Variants in CACNA1E observed in about 807,000 individuals in gnomAD.
CACNA1E encodes the protein calcium voltage-gated channel subunit alpha1 E.
CACNA1E carries 40 observed loss-of-function variants against 259.2 expected under a neutral mutation model. The ratio of observed to expected loss-of-function variants is 0.15; its 90% CI spans 0.12 to 0.20. CACNA1E has a LOEUF of 0.20. Ranked by LOEUF, CACNA1E falls within the 10% of genes least tolerant of loss-of-function variation. The pLI, the probability that CACNA1E is intolerant of heterozygous loss-of-function variation, is 1.00. For missense variants in CACNA1E, 1,874 were observed against 3,040.1 expected, an observed-to-expected ratio of 0.62 and a Z score of 9.02; for synonymous variants, 1,104 against 1,138.5, an observed-to-expected ratio of 0.97 and a Z score of 0.61.
At chr1:181,501,564 A>AGAGTTTC (rs1247257961) in intron 1 of CACNA1E, among the ~76,000 whole-genome samples, 4 of 152,220 alleles carry the variant, frequency 2.6e-5, no homozygotes, top group Non-Finnish European at 5.9e-5. Flanking sequence ...GACCTCCATG[A>AGAGTTTC]GAGAGCAGCA....
At chr1:181,792,990 A>G (rs576734274) in intron 44 of CACNA1E, among the ~76,000 whole-genome samples, 8 of 152,074 alleles carry the variant, frequency 5.3e-5, no homozygotes, top group African/African-American at 1.7e-4. Context: ...TTACATGTTG[A>G]CATGCTACTA....
chr1:181,659,407 T>A (rs2102121508), intron 7 of CACNA1E, among the ~76,000 whole-genome samples: 1 of 152,334 alleles, frequency 6.6e-6, no homozygotes, highest in Non-Finnish European at 1.5e-5. Flanking sequence ...ATGAAAACCA[T>A]TAGCTTAGGC....
chr1:181,603,664 T>C (rs372260573), intron 6 of CACNA1E, among the ~76,000 whole-genome samples: 4 of 151,978 alleles, frequency 2.6e-5, no homozygotes, highest in South Asian at 2.1e-4. Context: ...ATCTCTTAGA[T>C]GAAAGTCCTA....
chr1:181,578,259 T>A (rs1651172463), intron 4 of CACNA1E, among the ~76,000 whole-genome samples: 1 of 152,156 alleles, frequency 6.6e-6, no homozygotes, highest in Admixed American at 6.5e-5. Flanking sequence ...TTTCCTAACC[T>A]TAAAAATTCT....
Position 181,783,646 on chromosome 1 carries a change from TTGCCTGCTGTTTC to T in CACNA1E, c.5365-31_5365-19del. The T allele has an allele frequency of 1.6e-6, 2 of 1,260,718 alleles. No individual in the cohort carries two copies. Among genetic ancestry groups the T allele is most frequent in the Admixed American group, 1.9e-5 (1 of 52,906 alleles). The allele number at this position is 1,260,718 out of a possible 1,614,324, so 78.1% of individuals were successfully genotyped here. On this transcript the variant is annotated intron_variant, in intron 39 of 47. Transcript: ENST00000367573. ...AGATGTCTTTCAATTTTTTTTTTTTTTGCCTGCTGTTTCTTTTTTCTCTTTCACACAGAGGTTG... is the reference window on the plus strand; with the variant it reads ...AGATGTCTTTCAATTTTTTTTTTTTTTTTTTTCTCTTTCACACAGAGGTTG...
chr1:181,793,148 C>T (rs1303476591), intron 44 of CACNA1E, among the ~76,000 whole-genome samples: 3 of 152,202 alleles, frequency 2.0e-5, no homozygotes, highest in Non-Finnish European at 2.9e-5. Flanking sequence ...CCCTGACAGC[C>T]ACCCACCACA....
intron 1 of CACNA1E, among the ~76,000 whole-genome samples, chr1:181,399,216 G>GTTTT (rs563079552): frequency 1.2e-4 from 17 of 138,796 alleles, no homozygotes; most frequent in African/African-American, 4.4e-4. Flanking sequence ...AGTTTAGAGA[G>GTTTT]TTTTTTTTTT....
intron 6 of CACNA1E, among the ~76,000 whole-genome samples, chr1:181,591,866 T>C (rs909636344): frequency 6.6e-6 from 1 of 152,238 alleles, no homozygotes; most frequent in Non-Finnish European, 1.5e-5. Flanking sequence ...GTCTGGCACA[T>C]AGCACTCATG....
At chr1:181,761,114 C>A (rs1658541641) in intron 32 of CACNA1E, among the ~76,000 whole-genome samples, 1 of 152,190 alleles carries the variant, frequency 6.6e-6, no homozygotes, top group South Asian at 2.1e-4. Flanking sequence ...CCCATAGGTA[C>A]ATGTGGCTTT....
intron 3 of CACNA1E, among the ~76,000 whole-genome samples, chr1:181,526,516 A>G (rs1667372109): frequency 6.6e-6 from 1 of 151,952 alleles, no homozygotes; most frequent in South Asian, 2.1e-4. Flanking sequence ...TATAAAACTC[A>G]CTACTTGGTT....
intron 3 of CACNA1E, among the ~76,000 whole-genome samples, chr1:181,550,671 T>C (rs1648033938): frequency 6.6e-6 from 1 of 152,138 alleles, no homozygotes; most frequent in Non-Finnish European, 1.5e-5. Context: ...CTGGCATTTG[T>C]TTGAGAAGCC....
At chr1:181,534,486 T>A (rs762399774) in intron 3 of CACNA1E, among the ~76,000 whole-genome samples, 11 of 152,242 alleles carry the variant, frequency 7.2e-5, no homozygotes, top group Non-Finnish European at 1.5e-4. Flanking sequence ...GGACAAAGAA[T>A]TCATTATCAC....
chr1:181,478,247 A>G (rs945032411), intron 2 of CACNA1E, among the ~76,000 whole-genome samples: 3 of 152,240 alleles, frequency 2.0e-5, no homozygotes, highest in Admixed American at 6.5e-5. Context: ...AAAACACTTT[A>G]AAACCAACTT....
chr1:181,480,663 G>A (rs1663171543), upstream of CACNA1E, among the ~76,000 whole-genome samples: 1 of 152,224 alleles, frequency 6.6e-6, no homozygotes, highest in South Asian at 2.1e-4. Context: ...AAAGGCTAGT[G>A]AGCCCTGCTT....
intron 22 of CACNA1E, among the ~76,000 whole-genome samples, chr1:181,737,229 C>CTA (rs1279331427): frequency 6.6e-6 from 1 of 152,224 alleles, no homozygotes; most frequent in Non-Finnish European, 1.5e-5. Context: ...GCAGAGGGTG[C>CTA]TATGCAGCTG....
At chr1:181,364,333 G>A (rs1056351731) in intron 1 of CACNA1E, among the ~76,000 whole-genome samples, 29 of 152,150 alleles carry the variant, frequency 1.9e-4, no homozygotes, top group African/African-American at 5.8e-4. Context: ...GATGCCCGTC[G>A]TTAATTGTCT....
chr1:181,666,840 A>G (rs1035268183), intron 7 of CACNA1E, among the ~76,000 whole-genome samples: 33 of 152,076 alleles, frequency 2.2e-4, no homozygotes, highest in African/African-American at 8.0e-4. Flanking sequence ...GAATTGTGTG[A>G]CTGGCTAGTT....
chr1:181,326,536 G>A (rs1041903505), intron 1 of CACNA1E, among the ~76,000 whole-genome samples: 3 of 152,062 alleles, frequency 2.0e-5, no homozygotes. Flanking sequence ...CTCCAGATGG[G>A]ACTGAGTGAC....
rs149637687 is a variant in CACNA1E, at chr1:181,371,956, G to A, written c.-14-41177G>A. On this transcript the variant is annotated intron_variant, in intron 1 of 11. Coordinates refer to the CACNA1E transcript ENST00000524607. ...TCCATTAGTCTATGTATCTGTTTTT[G>A]TACCAGTACCATGCTGTTTTGGTTA... Among the ~76,000 whole-genome samples the A allele has an allele frequency of 5.2e-3, 792 of 152,226 alleles. 8 individuals carry two copies. Among genetic ancestry groups the A allele is most frequent in the African/African-American group, 0.018 (749 of 41,536 alleles).
Sources: allele counts gnomAD v4.1 joint callset (sites outside exome capture counted in the v4.1 genomes callset), GRCh38; gene constraint gnomAD v4.1.1; transcripts MANE v1.5; gene names NCBI Gene and HGNC (gene_info 2026-07-23, HGNC 2026-07-21).